RLF: variants seen among roughly 807,000 people sequenced by gnomAD.
The protein encoded by RLF is RLF zinc finger.
RLF carries 7 observed loss-of-function variants against 162.9 expected under a neutral mutation model. The ratio of observed to expected loss-of-function variants is 0.04; its 90% CI spans 0.02 to 0.08. The LOEUF (loss-of-function observed/expected upper bound fraction) is 0.08, where lower values mean the gene tolerates loss of function less well. RLF is among the 10% of genes least tolerant of loss of function. RLF has a pLI of 1.00. For synonymous variants in RLF, 782 were observed against 791.5 expected (o/e 0.99, Z 0.20); for missense variants, 1,664 against 2,244.7 (o/e 0.74, Z 5.23).
chr1:40,182,171 T>C (rs1250842743), intron 1 of RLF, among the ~76,000 whole-genome samples: 7 of 152,178 alleles, frequency 4.6e-5, no homozygotes, highest in East Asian at 1.9e-4. Context: ...TGGTGGCTCA[T>C]GCCTGTAATT....
At chr1:40,171,813 T>A (rs964883744) in intron 1 of RLF, among the ~76,000 whole-genome samples, 1 of 152,132 alleles carries the variant, frequency 6.6e-6, no homozygotes, top group Non-Finnish European at 1.5e-5. Context: ...TTGTTAAAAA[T>A]TAGAACAGTA....
intron 5 of RLF, among the ~76,000 whole-genome samples, chr1:40,211,821 C>T (rs1048944852): frequency 3.1e-4 from 47 of 152,172 alleles, no homozygotes; most frequent in South Asian, 8.3e-4. Context: ...GGGGTTTCAC[C>T]GTTTCTACTG....
chr1:40,230,415 T>A (rs1643137742), intron 6 of RLF, among the ~76,000 whole-genome samples: 1 of 152,074 alleles, frequency 6.6e-6, no homozygotes, highest in African/African-American at 2.4e-5. Flanking sequence ...TCTTTTTAGT[T>A]TAGTGTTTTT....
rs1643152537 is a variant in RLF at position 40,231,600 on chromosome 1, G to T, written c.1031G>T (p.Gly344Val). The change falls in exon 7 of 8, where the codon GGT (glycine) becomes GTT (valine). Residue 344 changes from glycine to valine, a missense_variant. Coordinates refer to ENST00000372771, the MANE Select transcript of RLF (RefSeq NM_012421.4). ...TTTTTGGAGCGCTGTCGTCAGTTTG[G>T]TGTCATAGCTAAAACGCAGCAGCAT... ...DTFLERCRQF[G>V]VIAKTQQHLF... 2.5e-6 allele frequency: 4 copies of T among 1,613,956 alleles called. No homozygotes were observed. Among genetic ancestry groups the T allele is most frequent in the Non-Finnish European group, 3.4e-6 (4 of 1,179,998 alleles).
chr1:40,161,879 G>C lies in RLF; in HGVS notation c.237+243G>C, dbSNP rs1295317685. 6.6e-6 allele frequency among the ~76,000 whole-genome samples: 1 copy of C among 152,206 alleles called. No homozygotes were observed. Among genetic ancestry groups the C allele is most frequent in the Non-Finnish European group, 1.5e-5 (1 of 68,042 alleles). ...TACTGAGATCCCGGAGGGCCCTGGCGGGTCCCTGGAAGGGCTGTGCCCTGT... is the reference window on the plus strand; with the variant it reads ...TACTGAGATCCCGGAGGGCCCTGGCCGGTCCCTGGAAGGGCTGTGCCCTGT... On this transcript the variant is annotated intron_variant, in intron 1 of 7. Coordinates refer to ENST00000372771, the MANE Select transcript of RLF (RefSeq NM_012421.4). This position sits in a 1 kb window ranked among gnomAD's most constrained non-coding sequence, Gnocchi z 4.4.
intron 5 of RLF, among the ~76,000 whole-genome samples, chr1:40,217,913 C>T (rs1642946203): frequency 6.6e-6 from 1 of 152,160 alleles, no homozygotes; most frequent in Non-Finnish European, 1.5e-5. Context: ...ATATTAAACC[C>T]ATGCTGTGTA....
At chr1:40,183,308 A>G (rs1642431126) in intron 1 of RLF, among the ~76,000 whole-genome samples, 1 of 152,082 alleles carries the variant, frequency 6.6e-6, no homozygotes, top group Non-Finnish European at 1.5e-5. Flanking sequence ...AATAATCCAA[A>G]CCCCTCTCTA....
At chr1:40,211,332 C>G (rs1397802035) in intron 5 of RLF, among the ~76,000 whole-genome samples, 1 of 152,174 alleles carries the variant, frequency 6.6e-6, no homozygotes, top group Non-Finnish European at 1.5e-5. Context: ...AAGGCCAAGC[C>G]CAGCTGGAAT....
At chr1:40,230,287 T>C (rs1336237800) in intron 6 of RLF, among the ~76,000 whole-genome samples, 1 of 152,228 alleles carries the variant, frequency 6.6e-6, no homozygotes, top group Admixed American at 6.5e-5. Context: ...TTAATAGCAA[T>C]ATAGGATATC....
chr1:40,179,068 C>G (rs578205136), intron 1 of RLF, among the ~76,000 whole-genome samples: 1 of 152,200 alleles, frequency 6.6e-6, no homozygotes, highest in African/African-American at 2.4e-5. Flanking sequence ...CTTCCAGTCT[C>G]AGGTGATCCA....
Position 40,222,662 on chromosome 1 carries a change from C to T in RLF, c.899C>T (p.Thr300Met), listed in dbSNP as rs747839448. 2.5e-6 allele frequency: 4 copies of T among 1,613,314 alleles called. No homozygotes were observed. Among genetic ancestry groups the T allele is most frequent in the South Asian group, 1.1e-5 (1 of 91,050 alleles). ...GQDNTAFVLC[T>M]TYLTQQLQTA... ...GATAACACAGCATTTGTTCTTTGTA[C>T]GACTTACCTTACCCAGCAGCTCCAA... The change falls in exon 6 of 8, where the codon ACG becomes ATG. Residue 300 changes from threonine to methionine, a missense_variant. By Grantham distance (81) the Thr-to-Met change is moderately conservative. Around this residue, in one of 15 missense-constraint regions of RLF, gnomAD observed 287 missense variants for 404.9 expected, o/e 0.71. Coordinates refer to ENST00000372771, the MANE Select transcript of RLF (RefSeq NM_012421.4).
intron 5 of RLF, among the ~76,000 whole-genome samples, chr1:40,207,450 G>T (rs1642811436): frequency 6.6e-6 from 1 of 151,932 alleles, no homozygotes; most frequent in Admixed American, 6.6e-5. Flanking sequence ...ATAAAAATAA[G>T]AACCAAGATG....
At chr1:40,221,825 G>A (rs1464304294) in intron 5 of RLF, among the ~76,000 whole-genome samples, 4 of 150,196 alleles carry the variant, frequency 2.7e-5, no homozygotes, top group East Asian at 1.9e-4. Flanking sequence ...GCTTGAACCC[G>A]GAAGTCGGAG....
At chr1:40,191,916 A>G (rs1642565339) in intron 3 of RLF, among the ~76,000 whole-genome samples, 1 of 152,236 alleles carries the variant, frequency 6.6e-6, no homozygotes, top group South Asian at 2.1e-4. Context: ...GCTTGGACAA[A>G]GTTACACACA....
intron 1 of RLF, among the ~76,000 whole-genome samples, chr1:40,164,171 G>A (rs1243371526): frequency 6.6e-6 from 1 of 152,174 alleles, no homozygotes; most frequent in Non-Finnish European, 1.5e-5. Context: ...ATAAAGGTCT[G>A]ACCCCTGCTT....
At chr1:40,231,403 G>C in intron 6 of RLF, 114 bp from the exon 7 acceptor site, 1 of 816,790 alleles carries the variant, frequency 1.2e-6, no homozygotes, top group Non-Finnish European at 2.0e-6. Flanking sequence ...TTTTAATCTA[G>C]TTTTTGTTTT....
chr1:40,196,651 C>T (rs540578853), intron 4 of RLF, among the ~76,000 whole-genome samples: 2 of 152,254 alleles, frequency 1.3e-5, no homozygotes, highest in East Asian at 3.9e-4. Flanking sequence ...AGGCATGCGC[C>T]ACTGTGTACA....
At position 40,222,686 on chromosome 1, in the gene RLF, A is replaced by G. The variant is rs1361061759; in HGVS notation, c.923A>G (p.Gln308Arg). Reference protein sequence around the residue: ...LCTTYLTQQLQTASVYCSWEL... With the variant: ...LCTTYLTQQLRTASVYCSWEL... ...ACGACTTACCTTACCCAGCAGCTCC[A>G]AACTGCAAGTGTATATTGTTCTTGG... Residue 308 changes from glutamine to arginine, a missense_variant, in exon 6 of 8, where the codon CAA becomes CGA. By Grantham distance (43) the Gln-to-Arg change is conservative (BLOSUM62 1). This residue lies in a region of RLF where 287 missense variants were observed against 404.9 expected (regional missense o/e 0.71). Coordinates refer to ENST00000372771, the MANE Select transcript of RLF (RefSeq NM_012421.4). 6.2e-7 allele frequency: 1 copy of G among 1,613,316 alleles called. No homozygotes were observed. The highest frequency in any genetic ancestry group is 1.3e-5 in the African/African-American group (1 of 75,038).
intron 5 of RLF, among the ~76,000 whole-genome samples, chr1:40,209,922 T>A (rs1642845767): frequency 6.6e-6 from 1 of 151,372 alleles, no homozygotes; most frequent in Non-Finnish European, 1.5e-5. Context: ...ACTATAAACC[T>A]GTATGCTAAT....
Sources: allele counts gnomAD v4.1 joint callset (sites outside exome capture counted in the v4.1 genomes callset), GRCh38; gene constraint gnomAD v4.1.1; regional missense constraint gnomAD v4.1.1; non-coding constraint Gnocchi (gnomAD v3.1); transcripts MANE v1.5; gene names NCBI Gene and HGNC (gene_info 2026-07-23, HGNC 2026-07-21).